The following ADGRD1 variants were observed in gnomAD, a reference collection of about 807,000 sequenced individuals.
The protein encoded by ADGRD1 is G-protein coupled receptor 133.
Under a neutral mutation model 113.4 loss-of-function variants are expected in ADGRD1, and 77 were observed. The ratio of observed to expected loss-of-function variants is 0.68; its 90% CI spans 0.57 to 0.82. The LOEUF (loss-of-function observed/expected upper bound fraction) is 0.82, where lower values mean the gene tolerates loss of function less well. ADGRD1 is among the 40% of genes least tolerant of loss of function. ADGRD1 has a pLI of 0.00. For synonymous variants in ADGRD1, 474 were observed against 475.0 expected (o/e 1.00, Z 0.03); for missense variants, 1,036 against 1,139.1 (o/e 0.91, Z 1.30).
intron 13 of ADGRD1, among the ~76,000 whole-genome samples, chr12:131,051,452 C>T (rs990435432): frequency 2.7e-5 from 4 of 149,708 alleles, no homozygotes; most frequent in African/African-American, 9.9e-5. Flanking sequence ...CTTGAGAGAG[C>T]AGTGGATATC....
In ADGRD1 at chr12:130,987,767, G is replaced by T. The variant is rs529427637; in HGVS notation, c.745+418G>T. On this transcript the variant is annotated intron_variant, in intron 6 of 24. Coordinates refer to ENST00000261654, the MANE Select transcript of ADGRD1 (RefSeq NM_198827.5). ...CAGTTGTTCGGGGCAGGGGCCTGTG[G>T]GTAGGTGGACTGGGGTTCAAATATT... The T allele has an allele frequency of 3.4e-4, 71 of 210,432 alleles. 1 individual carries two copies. The South Asian group carries it at 6.6e-3, about 20-fold the overall frequency. 13.0% of individuals were successfully genotyped at this position (210,432 alleles called of 1,614,324 possible).
rs370138531 is a variant in ADGRD1, at chr12:131,122,498, C to T, written c.2175+1585C>T. 8.7e-3 allele frequency among the ~76,000 whole-genome samples: 1,320 copies of T among 152,234 alleles called. 11 individuals carry two copies. Among genetic ancestry groups the T allele is most frequent in the African/African-American group, 0.029 (1,194 of 41,536 alleles). ...TGTCAGAGGCTTCAGGGAGAGGTCC[C>T]CGCGCTCTCTGGGGGTCTGGGAGGA... is the stretch of plus-strand genomic sequence containing the variant. On this transcript the variant is annotated intron_variant, in intron 20 of 24. Coordinates refer to ENST00000261654, the MANE Select transcript of ADGRD1 (RefSeq NM_198827.5).
chr12:131,002,813 G>C (rs754141375), intron 9 of ADGRD1: 34 of 1,236,744 alleles, frequency 2.7e-5, no homozygotes, highest in Non-Finnish European at 3.2e-5. Flanking sequence ...GGGGCGATCA[G>C]CCCCTCCTCG....
chr12:131,007,673 A>G (rs1474316627), intron 12 of ADGRD1, among the ~76,000 whole-genome samples: 1 of 152,252 alleles, frequency 6.6e-6, no homozygotes, highest in African/African-American at 2.4e-5. Flanking sequence ...GGGCCTGGAA[A>G]TTGGACAGCC....
At chr12:130,990,929 A>G in intron 6 of ADGRD1, 85 bp from the exon 7 acceptor site, 1 of 1,002,694 alleles carries the variant, frequency 1.0e-6, no homozygotes, top group Non-Finnish European at 1.6e-6. Context: ...GTCTGAAGCC[A>G]GTACATTTTT....
intron 13 of ADGRD1, among the ~76,000 whole-genome samples, chr12:131,072,573 C>T (rs1164691389): frequency 1.3e-5 from 2 of 152,172 alleles, no homozygotes; most frequent in Non-Finnish European, 2.9e-5. Flanking sequence ...GCCCCATGAT[C>T]TCAAAATAAG....
intron 22 of ADGRD1, 70 bp from the exon 23 acceptor site, chr12:131,136,903 G>A: frequency 8.0e-7 from 1 of 1,243,632 alleles, no homozygotes; most frequent in Non-Finnish European, 1.2e-6. Context: ...GGCTGCATGG[G>A]AGGAACCTCC....
intron 17 of ADGRD1, among the ~76,000 whole-genome samples, chr12:131,108,425 C>T (rs1299891460): frequency 6.6e-6 from 1 of 152,160 alleles, no homozygotes; most frequent in Admixed American, 6.5e-5. Flanking sequence ...GTGCCCATCC[C>T]TGAGCCAATC....
chr12:131,015,715 AGCC>A (rs1312368249), intron 13 of ADGRD1, among the ~76,000 whole-genome samples: 2 of 152,136 alleles, frequency 1.3e-5, no homozygotes, highest in East Asian at 3.9e-4. Flanking sequence ...GCATGTGACC[AGCC>A]GTGAGCCTGT....
chr12:130,965,343 T>C lies in ADGRD1; in HGVS notation c.104-1120T>C, dbSNP rs1870888846. 6.6e-6 allele frequency among the ~76,000 whole-genome samples: 1 copy of C among 152,216 alleles called. No homozygotes were observed. Among genetic ancestry groups the C allele is most frequent in the Non-Finnish European group, 1.5e-5 (1 of 68,032 alleles). ...CACTTTGGTTATCAGGCATACATCATTTGAAAATAATGATCTTATTATCTC... is the reference window on the plus strand; with the variant it reads ...CACTTTGGTTATCAGGCATACATCACTTGAAAATAATGATCTTATTATCTC... On this transcript the variant is annotated intron_variant, in intron 2 of 24. Transcript: ENST00000261654. This position sits in a 1 kb window ranked among gnomAD's most constrained non-coding sequence, Gnocchi z 4.8.
At chr12:131,109,578 T>G (rs1346460290) in intron 18 of ADGRD1, among the ~76,000 whole-genome samples, 1 of 152,236 alleles carries the variant, frequency 6.6e-6, no homozygotes, top group African/African-American at 2.4e-5. Flanking sequence ...TAATTTTATT[T>G]CATTGTGGAA....
In ADGRD1 at chr12:131,105,853, C is replaced by A. The variant is rs771181899; in HGVS notation, c.1875C>A (p.Leu625=). 1.9e-6 allele frequency: 3 copies of A among 1,598,228 alleles called. No homozygotes were observed. Among genetic ancestry groups the A allele is most frequent in the Non-Finnish European group, 2.5e-6 (3 of 1,178,894 alleles). The part of the protein sequence containing the change: ...AQVLLLISFR[L]EPGTTPCQVM... Reference sequence around the variant, plus strand: ...TCCTGCTGCTCATTAGTTTCCGCCTCGAGCCGGGCACGGTGAGTGGGCGCA... The same window carrying A: ...TCCTGCTGCTCATTAGTTTCCGCCTAGAGCCGGGCACGGTGAGTGGGCGCA... Residue 625 remains leucine (L), a synonymous_variant, in exon 17 of 25, where the codon CTC becomes CTA. Coordinates refer to ENST00000261654, the MANE Select transcript of ADGRD1 (RefSeq NM_198827.5).
chr12:131,132,803 G>C (rs1244141091), intron 21 of ADGRD1, among the ~76,000 whole-genome samples: 3 of 152,200 alleles, frequency 2.0e-5, no homozygotes, highest in Non-Finnish European at 4.4e-5. Flanking sequence ...TGGGGAGGCT[G>C]TCCCTCGCAG....
intron 13 of ADGRD1, among the ~76,000 whole-genome samples, chr12:131,051,184 G>A (rs944061844): frequency 6.6e-6 from 1 of 152,238 alleles, no homozygotes; most frequent in Non-Finnish European, 1.5e-5. Flanking sequence ...GGAGGAAGAT[G>A]CACAAAGTCT....
Position 131,075,180 on chromosome 12 carries a change from C to T in ADGRD1, c.1474-1621C>T, listed in dbSNP as rs559678242. Among the ~76,000 whole-genome samples the T allele has an allele frequency of 1.3e-5, 2 of 152,296 alleles. No individual in the cohort carries two copies. The highest frequency in any genetic ancestry group is 6.5e-5 in the Admixed American group (1 of 15,306). On this transcript the variant is annotated intron_variant, in intron 13 of 24. Transcript: ENST00000261654. The surrounding 1 kb of genome is among the most constrained non-coding windows in gnomAD (Gnocchi z 5.3). ...AAATTACTCAGGTAACACACAAATA[C>T]GCCTCCTTGTTAAAAAATTACATAT...
At chr12:131,070,185 C>T (rs1254402750) in intron 13 of ADGRD1, 3 of 152,564 alleles carry the variant, frequency 2.0e-5, no homozygotes, top group Non-Finnish European at 4.4e-5. Flanking sequence ...CTCTGCTTAG[C>T]GTTGGGGGAC....
intron 19 of ADGRD1, 87 bp from the exon 20 acceptor site, chr12:131,120,760 A>T: frequency 7.7e-7 from 1 of 1,295,896 alleles, no homozygotes; most frequent in Non-Finnish European, 1.1e-6. Flanking sequence ...GCTGAGAAAG[A>T]CATCACCTTA....
chr12:131,044,199 G>A (rs1882433355), intron 13 of ADGRD1, among the ~76,000 whole-genome samples: 1 of 152,208 alleles, frequency 6.6e-6, no homozygotes, highest in Admixed American at 6.5e-5. Flanking sequence ...CTAGCTATGT[G>A]GGAAGTGGTG....
rs564150152 is a variant in ADGRD1, at chr12:131,003,623, C to T, written c.1144+321C>T. The stretch of plus-strand genomic sequence containing the variant: ...GTCTGTGGAATAAAAGGGGTGGCCT[C>T]GGGTTTCTGGCGTCAGCTTGCTCTC... On this transcript the variant is annotated intron_variant, in intron 10 of 24. Coordinates refer to ENST00000261654, the MANE Select transcript of ADGRD1 (RefSeq NM_198827.5). This position sits in a 1 kb window ranked among gnomAD's most constrained non-coding sequence, Gnocchi z 4.8. Among the ~76,000 whole-genome samples the T allele has an allele frequency of 3.7e-4, 56 of 152,310 alleles. No homozygotes were observed. The highest frequency in any genetic ancestry group is 3.4e-3 in the Middle Eastern group (1 of 294).
Sources: allele counts gnomAD v4.1 joint callset (sites outside exome capture counted in the v4.1 genomes callset), GRCh38; gene constraint gnomAD v4.1.1; non-coding constraint Gnocchi (gnomAD v3.1); transcripts MANE v1.5; gene names NCBI Gene and HGNC (gene_info 2026-07-23, HGNC 2026-07-21).